AFAP1L1: variants seen among roughly 807,000 people sequenced by gnomAD.
AFAP1L1 encodes actin filament-associated protein 1-like 1.
Under a neutral mutation model 99.8 loss-of-function variants are expected in AFAP1L1, and 77 were observed. The ratio of observed to expected loss-of-function variants is 0.77; its 90% confidence interval spans 0.64 to 0.93. The LOEUF (loss-of-function observed/expected upper bound fraction) is 0.93. Ranked by LOEUF, AFAP1L1 falls within the 40% of genes least tolerant of loss-of-function variation. AFAP1L1 has a pLI of 0.00. For synonymous variants in AFAP1L1, 373 were observed against 395.3 expected (o/e 0.94, Z 0.67); for missense variants, 893 against 996.8 (o/e 0.90, Z 1.40).
At chr5:149,336,212 TG>T (rs1387535578) in intron 18 of AFAP1L1, among the ~76,000 whole-genome samples, 1 of 152,134 alleles carries the variant, frequency 6.6e-6, no homozygotes, top group Non-Finnish European at 1.5e-5. Flanking sequence ...CACTAACACA[TG>T]ATGAAAACCT....
intron 1 of AFAP1L1, among the ~76,000 whole-genome samples, chr5:149,282,996 C>T (rs2127589793): frequency 6.6e-6 from 1 of 152,338 alleles, no homozygotes; most frequent in Non-Finnish European, 1.5e-5. Flanking sequence ...ACACTGAGCA[C>T]AGCCCATTCC....
rs186786552 is a variant in AFAP1L1 at position 149,277,846 on chromosome 5, T to G, written c.16+5862T>G. On this transcript the variant is annotated intron_variant, in intron 1 of 18. Transcript: ENST00000296721. ...GAATTTAACCACACTCTGCAATGGG[T>G]GTAAGGAGTCATACGGGGCCGTATG... 1.1e-4 allele frequency among the ~76,000 whole-genome samples: 17 copies of G among 152,252 alleles called. No homozygotes were observed. The East Asian group carries it at 2.9e-3, about 26-fold the overall frequency.
chr5:149,313,343 C>T (rs1744320654), intron 9 of AFAP1L1, among the ~76,000 whole-genome samples: 1 of 152,142 alleles, frequency 6.6e-6, no homozygotes, highest in African/African-American at 2.4e-5. Context: ...ACGATGTAAT[C>T]GAGGCTAGTA....
intron 15 of AFAP1L1, 146 bp downstream of exon 15, chr5:149,322,863 C>T: frequency 1.5e-6 from 1 of 659,064 alleles, no homozygotes. Flanking sequence ...AGAAAAATCA[C>T]AGAGCAAGCA....
chr5:149,316,405 G>A (rs553684604), intron 11 of AFAP1L1, 102 bp downstream of exon 11: 27 of 1,410,090 alleles, frequency 1.9e-5, no homozygotes, highest in Admixed American at 1.4e-4. Context: ...TCACCCCCAG[G>A]GCAGGGGAGG....
At chr5:149,307,818 T>TCTCTCTCTCTCTCTCTCTCTCTCTCTC (rs1756473058) in intron 7 of AFAP1L1, among the ~76,000 whole-genome samples, 7 of 100,504 alleles carry the variant, frequency 7.0e-5, no homozygotes, top group Non-Finnish European at 9.4e-5. Flanking sequence ...GTGCCTCTCT[T>TCTCTCTCTCTCTCTCTCTCTCTCTCTC]TCTCTCTCTC....
rs1441673973 is a variant in AFAP1L1, at chr5:149,342,738, C to T, written c.*2708C>T. 1.3e-5 allele frequency among the ~76,000 whole-genome samples: 2 copies of T among 152,160 alleles called. No homozygotes were observed. The highest frequency in any genetic ancestry group is 3.8e-4 in the East Asian group (2 of 5,198). ...ACCAGCCTGGCCAACATGGCAAAAC[C>T]CCATCTCTATCAAAAATACAAAAGT... On this transcript the variant is annotated 3_prime_UTR_variant, in exon 19 of 19. Coordinates refer to ENST00000296721, the MANE Select transcript of AFAP1L1 (RefSeq NM_152406.4).
At position 149,272,056 on chromosome 5, in the gene AFAP1L1, G is replaced by C. The variant is rs1192713564; in HGVS notation, c.16+72G>C. 2.4e-6 allele frequency: 3 copies of C among 1,225,022 alleles called. No individual in the cohort carries two copies. The Admixed American group carries it at 1.3e-4, about 52-fold the overall frequency. The allele number at this position is 1,225,022 out of a possible 1,614,324, so 75.9% of individuals were successfully genotyped here. A position where few individuals can be genotyped will look rare whatever the true frequency, so the allele number is the denominator to read the frequency against. ...AAGGGAGACTGGACGATCTGAAGCCGGAGAGGAGGAGGGAGAGAGGCGGGC... is the reference window on the plus strand; with the variant it reads ...AAGGGAGACTGGACGATCTGAAGCCCGAGAGGAGGAGGGAGAGAGGCGGGC... On this transcript the variant is annotated intron_variant, in intron 1 of 18. Coordinates refer to ENST00000296721, the MANE Select transcript of AFAP1L1 (RefSeq NM_152406.4).
intron 9 of AFAP1L1, 42 bp from the exon 10 acceptor site, chr5:149,315,779 G>C (rs774069816): frequency 2.6e-5 from 41 of 1,576,422 alleles, no homozygotes; most frequent in Non-Finnish European, 3.0e-5. Flanking sequence ...GGGTACTTCT[G>C]AATGTGCCCT....
intron 1 of AFAP1L1, chr5:149,276,549 A>G (rs1755333303): frequency 6.6e-6 from 1 of 152,274 alleles, no homozygotes; most frequent in African/African-American, 2.4e-5. Flanking sequence ...CACCACCCGC[A>G]GATGAGGATA....
intron 9 of AFAP1L1, among the ~76,000 whole-genome samples, chr5:149,315,091 C>A (rs1471419523): frequency 6.6e-6 from 1 of 152,208 alleles, no homozygotes; most frequent in Non-Finnish European, 1.5e-5. Context: ...TGCTTCCACT[C>A]TACATCCCGT....
chr5:149,306,459 G>A, intron 6 of AFAP1L1, 55 bp downstream of exon 6: 2 of 1,508,564 alleles, frequency 1.3e-6, no homozygotes, highest in Non-Finnish European at 1.8e-6. Flanking sequence ...CTTGCAAAGA[G>A]CAGGCCTTGT....
intron 7 of AFAP1L1, among the ~76,000 whole-genome samples, chr5:149,309,688 C>T (rs1455639489): frequency 6.6e-6 from 1 of 152,156 alleles, no homozygotes; most frequent in South Asian, 2.1e-4. Flanking sequence ...TTTAGGCTAA[C>T]CTGGTCTTCC....
intron 8 of AFAP1L1, 55 bp from the exon 9 acceptor site, chr5:149,312,057 T>G (rs1756645884): frequency 3.3e-6 from 5 of 1,528,030 alleles, no homozygotes; most frequent in Non-Finnish European, 4.5e-6. Flanking sequence ...CCATTCTTCC[T>G]TTGCATCAAC....
chr5:149,302,853 A>G (rs1756276613), intron 5 of AFAP1L1, among the ~76,000 whole-genome samples: 1 of 152,192 alleles, frequency 6.6e-6, no homozygotes, highest in South Asian at 2.1e-4. Context: ...GTGTGCTAGG[A>G]GGCAGCTACA....
Position 149,332,893 on chromosome 5 carries a change from T to A in AFAP1L1, c.2154+20T>A, listed in dbSNP as rs1410434947. Reference sequence around the variant, plus strand: ...AGTGGGGTGAGTCCAGGCCCTTCCATGCCAGGGGCAGCTACTCCTATGTCC... The same window carrying A: ...AGTGGGGTGAGTCCAGGCCCTTCCAAGCCAGGGGCAGCTACTCCTATGTCC... On this transcript the variant is annotated intron_variant, in intron 17 of 18. Transcript: ENST00000296721. 1 of 1,544,566 alleles carries A rather than the reference T, an allele frequency of 6.5e-7. No individual in the cohort carries two copies. Among genetic ancestry groups the A allele is most frequent in the African/African-American group, 1.4e-5 (1 of 73,000 alleles).
chr5:149,321,665 G>A (rs1267296386), intron 14 of AFAP1L1, among the ~76,000 whole-genome samples: 3 of 140,696 alleles, frequency 2.1e-5, no homozygotes, highest in Admixed American at 1.5e-4. Context: ...GGAGGTGGAA[G>A]TGAGCCAAGA....
chr5:149,342,683 G>A lies in AFAP1L1; in HGVS notation c.*2653G>A, dbSNP rs138770520. On this transcript the variant is annotated 3_prime_UTR_variant, in exon 19 of 19. Transcript: ENST00000296721. ...TCCCAGCACTTTGGGAGGCCGAAGC[G>A]GGTGGATCACTTGAGGTCAGGAGTT... Among the ~76,000 whole-genome samples, 1,159 of 152,304 alleles carry A rather than the reference G, an allele frequency of 7.6e-3. 12 individuals are homozygous for A. The highest frequency in any genetic ancestry group is 0.026 in the African/African-American group (1,093 of 41,570).
At chr5:149,290,108 C>A (rs1215042790) in intron 1 of AFAP1L1, among the ~76,000 whole-genome samples, 1 of 152,178 alleles carries the variant, frequency 6.6e-6, no homozygotes, top group Non-Finnish European at 1.5e-5. Context: ...TAGCGCACGC[C>A]TGTAGTCCAA....
Sources: allele counts gnomAD v4.1 joint callset (sites outside exome capture counted in the v4.1 genomes callset), GRCh38; gene constraint gnomAD v4.1.1; transcripts MANE v1.5; gene names NCBI Gene and HGNC (gene_info 2026-07-23, HGNC 2026-07-21).